Variants in RHEBL1 observed in about 807,000 individuals in gnomAD.
The protein encoded by RHEBL1 is RHEB like 1.
Under a neutral mutation model 27.4 loss-of-function variants are expected in RHEBL1, and 22 were observed. The observed-to-expected ratio is 0.80, with a 90% CI of 0.57 to 1.15. The LOEUF (loss-of-function observed/expected upper bound fraction) is 1.15. Ranked by LOEUF, RHEBL1 falls within the 50% of genes most tolerant of loss-of-function variation. The pLI is 0.00. For synonymous variants in RHEBL1, 85 were observed against 80.8 expected, an observed-to-expected ratio of 1.05 and a Z score of -0.28; for missense variants, 186 against 226.5, an observed-to-expected ratio of 0.82 and a Z score of 1.15.
At chr12:49,069,568 ACTCTT>A (rs1939053440) in intron 1 of RHEBL1, among the ~76,000 whole-genome samples, 161 bp downstream of exon 1, 1 of 119,458 alleles carries the variant, frequency 8.4e-6, no homozygotes, top group Non-Finnish European at 1.8e-5. Flanking sequence ...CACACCACCA[ACTCTT>A]CCAATCCTCC....
chr12:49,068,430 T>A (rs1197632138), intron 2 of RHEBL1, among the ~76,000 whole-genome samples: 1 of 96,352 alleles, frequency 1.0e-5, no homozygotes, highest in African/African-American at 5.0e-5. Context: ...GGTGCCCAGC[T>A]TTTTTTTTTT....
In RHEBL1 at chr12:49,065,079, G is replaced by A; in HGVS notation, c.*24C>T. 2 of 1,568,706 alleles carry A rather than the reference G, an allele frequency of 1.3e-6. No homozygotes were observed. The highest frequency in any genetic ancestry group is 8.8e-7 in the Non-Finnish European group (1 of 1,138,742). ...TGGCAAGTGCCGGGGGCAGAAGCAA[G>A]GCAGTTACCCCACACCCAAGGGCTC... On this transcript the variant is annotated 3_prime_UTR_variant, in exon 8 of 8. Transcript: ENST00000301068.
At chr12:49,069,166 C>G (rs1483742811) in intron 1 of RHEBL1, 60 bp from the exon 2 acceptor site, 2 of 1,613,438 alleles carry the variant, frequency 1.2e-6, no homozygotes, top group Non-Finnish European at 1.7e-6. Context: ...CATCCTCTGT[C>G]CTTTCGGACT....
In RHEBL1 at chr12:49,066,526, T is replaced by G; in HGVS notation, c.282A>C (p.Gln94His). Reference protein sequence around the residue: ...VYSVTSLHSFQVIESLYQKLH... With the variant: ...VYSVTSLHSFHVIESLYQKLH... ...GCTTTTGGTACAGACTCTCAATGAC[T>G]TGGAAGCTTTAAACACAAGAATTGG... The change falls in exon 5 of 8, where the codon CAA (glutamine) becomes CAC (histidine). Residue 94 changes from glutamine to histidine, a missense_variant. By Grantham distance (24) the Gln-to-His change is conservative. Around this residue, in one of 3 missense-constraint regions of RHEBL1, gnomAD observed 34 missense variants for 69.3 expected, o/e 0.49. Transcript: ENST00000301068. 1 of 1,614,128 alleles carries G rather than the reference T, an allele frequency of 6.2e-7. No homozygotes were observed.
chr12:49,066,413 C>G, intron 5 of RHEBL1, 63 bp downstream of exon 5: 8 of 1,572,884 alleles, frequency 5.1e-6, no homozygotes, highest in Non-Finnish European at 7.0e-6. Flanking sequence ...TGACAATTCT[C>G]CCCTCTGCTC....
At chr12:49,069,686 T>C (rs776430069) in intron 1 of RHEBL1, 48 bp downstream of exon 1, 1 of 1,584,154 alleles carries the variant, frequency 6.3e-7, no homozygotes, top group East Asian at 2.2e-5. Context: ...GCGCCTCTTC[T>C]GGCTACAAAG....
chr12:49,067,003 C>A lies in RHEBL1; in HGVS notation c.157G>T (p.Glu53Ter). 1 of 1,613,920 alleles carries A rather than the reference C, an allele frequency of 6.2e-7. No homozygotes were observed. Residue 53 changes from glutamate (E) to a stop codon, truncating the protein, a stop_gained, in exon 3 of 8, where the codon GAG becomes TAG. Transcript: ENST00000301068. LOFTEE classifies it high-confidence loss of function. Reference protein sequence around the residue: ...YSKIVTLGKDEFHLHLVDTAG... With the variant: ...YSKIVTLGKD ...GTGTCCACCAGATGTAGGTGAAACTCATCTTTGCCAAGAGTCACTATCTTG... is the reference window on the plus strand; with the variant it reads ...GTGTCCACCAGATGTAGGTGAAACTAATCTTTGCCAAGAGTCACTATCTTG...
intron 6 of RHEBL1, 28 bp from the exon 7 acceptor site, chr12:49,065,459 G>A (rs1411929924): frequency 2.5e-6 from 4 of 1,581,248 alleles, no homozygotes; most frequent in Non-Finnish European, 3.5e-6. Context: ...ACATAAAGAT[G>A]GAGGATAGAA....
chr12:49,065,280 C>T (rs1430699841), intron 7 of RHEBL1, 70 bp downstream of exon 7: 2 of 1,559,910 alleles, frequency 1.3e-6, no homozygotes, highest in Non-Finnish European at 1.8e-6. Context: ...CGCAACATTC[C>T]CACCACCAAG....
intron 6 of RHEBL1, 84 bp from the exon 7 acceptor site, chr12:49,065,515 G>C: frequency 8.7e-7 from 1 of 1,143,970 alleles, no homozygotes; most frequent in Non-Finnish European, 1.3e-6. Flanking sequence ...AGACTTCCTG[G>C]CCAGGCACAG....
intron 5 of RHEBL1, 75 bp from the exon 6 acceptor site, chr12:49,066,353 G>T: frequency 6.4e-7 from 1 of 1,556,976 alleles, no homozygotes; most frequent in Non-Finnish European, 8.9e-7. Flanking sequence ...AAGGCTGGAC[G>T]ACTCCTTATC....
intron 2 of RHEBL1, among the ~76,000 whole-genome samples, chr12:49,067,695 G>A (rs549744522): frequency 6.6e-6 from 1 of 152,226 alleles, no homozygotes; most frequent in Admixed American, 6.5e-5. Context: ...CGTGAGAATT[G>A]CTTGAACCCA....
Position 49,066,225 on chromosome 12 carries a change from A to C in RHEBL1, c.380+6T>G. The C allele has an allele frequency of 6.2e-7, 1 of 1,612,528 alleles. No individual in the cohort carries two copies. The highest frequency in any genetic ancestry group is 1.7e-4 in the Middle Eastern group (1 of 6,046). ...CTTTTGCTCTGAGTAGCAGAGATTTACATACCTCTCTGGAGAGAGATCTGC... is the reference window on the plus strand; with the variant it reads ...CTTTTGCTCTGAGTAGCAGAGATTTCCATACCTCTCTGGAGAGAGATCTGC... On this transcript the variant is annotated splice_donor_region_variant and intron_variant, in intron 6 of 7. Coordinates refer to ENST00000301068, the MANE Select transcript of RHEBL1 (RefSeq NM_144593.3).
Position 49,067,140 on chromosome 12 carries a change from T to C in RHEBL1, c.125-105A>G, listed in dbSNP as rs528125276. ...TTTTTGAGACAAGAGTCTCACTCTA[T>C]TGTCCAGGCTGGGCTGCAGTGGCAT... On this transcript the variant is annotated intron_variant, in intron 2 of 7. Coordinates refer to ENST00000301068, the MANE Select transcript of RHEBL1 (RefSeq NM_144593.3). 48 of 731,414 alleles carry C rather than the reference T, an allele frequency of 6.6e-5. No individual in the cohort carries two copies. In the South Asian group the frequency reaches 8.2e-4, roughly 12 times the overall value. The allele number at this position is 731,414 out of a possible 1,614,324, so 45.3% of individuals were successfully genotyped here. A position where few individuals can be genotyped will look rare whatever the true frequency, so the allele number is the denominator to read the frequency against.
At chr12:49,066,828 G>A in intron 3 of RHEBL1, 127 bp from the exon 4 acceptor site, 1 of 1,107,352 alleles carries the variant, frequency 9.0e-7, no homozygotes, top group African/African-American at 1.5e-5. Flanking sequence ...ATGTATTTAT[G>A]GAACAGCTCC....
At chr12:49,065,252 G>T in intron 7 of RHEBL1, 60 bp from the exon 8 acceptor site, 1 of 1,553,878 alleles carries the variant, frequency 6.4e-7, no homozygotes, top group Non-Finnish European at 8.9e-7. Flanking sequence ...CCCAGCTCTG[G>T]GGTGAAAGCC....
intron 2 of RHEBL1, among the ~76,000 whole-genome samples, chr12:49,067,450 C>G (rs530331881): frequency 1.3e-5 from 2 of 150,776 alleles, no homozygotes; most frequent in Non-Finnish European, 3.0e-5. Flanking sequence ...TGGCTGTCTC[C>G]TTACCTTTTT....
chr12:49,066,870 T>A (rs1939005765), intron 3 of RHEBL1, 98 bp downstream of exon 3: 1 of 1,148,026 alleles, frequency 8.7e-7, no homozygotes, highest in Non-Finnish European at 1.3e-6. Context: ...GCAGGTAAAA[T>A]GCTTTTAATA....
intron 2 of RHEBL1, among the ~76,000 whole-genome samples, chr12:49,068,594 C>A (rs1939036504): frequency 1.3e-5 from 2 of 152,014 alleles, no homozygotes; most frequent in African/African-American, 4.8e-5. Flanking sequence ...CGCCACCATG[C>A]CCAGCTAATT....
Sources: allele counts gnomAD v4.1 joint callset (sites outside exome capture counted in the v4.1 genomes callset), GRCh38; gene constraint gnomAD v4.1.1; regional missense constraint gnomAD v4.1.1; transcripts MANE v1.5; gene names NCBI Gene and HGNC (gene_info 2026-07-23, HGNC 2026-07-21).